The following SEC24A variants were observed in gnomAD, a reference collection of about 807,000 sequenced individuals.
The protein encoded by SEC24A is protein transport protein Sec24A.
SEC24A carries 93 observed loss-of-function variants against 129.4 expected under a neutral mutation model. The observed-to-expected ratio is 0.72, with a 90% CI of 0.61 to 0.85. The LOEUF is 0.85. SEC24A is among the 40% of genes least tolerant of loss of function. SEC24A has a pLI of 0.00. For missense variants in SEC24A, 1,264 were observed against 1,307.4 expected (o/e 0.97, Z 0.51); for synonymous variants, 460 against 467.3 (o/e 0.98, Z 0.20).
chr5:134,687,937 A>G (rs749053523), intron 10 of SEC24A, among the ~76,000 whole-genome samples: 6 of 152,158 alleles, frequency 3.9e-5, no homozygotes, highest in Non-Finnish European at 8.8e-5. Flanking sequence ...TTACATAGCT[A>G]TACTTGGTTT....
intron 1 of SEC24A, among the ~76,000 whole-genome samples, chr5:134,655,184 A>G (rs913851003): frequency 3.3e-5 from 5 of 152,136 alleles, no homozygotes; most frequent in Admixed American, 6.6e-5. Flanking sequence ...TTTGAATCCT[A>G]TGAAATAGGA....
intron 1 of SEC24A, among the ~76,000 whole-genome samples, chr5:134,649,745 T>G (rs1437933668): frequency 6.6e-6 from 1 of 152,234 alleles, no homozygotes; most frequent in Non-Finnish European, 1.5e-5. Flanking sequence ...GGTTGACTTC[T>G]AGATGTCTGG....
intron 3 of SEC24A, among the ~76,000 whole-genome samples, chr5:134,668,174 C>G (rs1420601613): frequency 6.6e-6 from 1 of 152,118 alleles, no homozygotes; most frequent in Non-Finnish European, 1.5e-5. Flanking sequence ...ATGTAGAAAA[C>G]AGATGAGGGG....
In SEC24A at chr5:134,715,047, T is replaced by C; in HGVS notation, c.2751T>C (p.Asn917=). The C allele has an allele frequency of 6.2e-7, 1 of 1,613,254 alleles. No homozygotes were observed. Among genetic ancestry groups the C allele is most frequent in the Non-Finnish European group, 8.5e-7 (1 of 1,179,764 alleles). ...LKQKSFQTGT[N]ARLDERIFAM... ...AGAAATCATTCCAGACTGGGACAAA[T>C]GCACGTCTAGATGAACGCATTTTTG... The change falls in exon 19 of 23, where the codon AAT becomes AAC. Residue 917 remains asparagine, a synonymous_variant. Coordinates refer to ENST00000398844, the MANE Select transcript of SEC24A (RefSeq NM_021982.3).
intron 18 of SEC24A, among the ~76,000 whole-genome samples, chr5:134,712,594 G>A (rs911060053): frequency 4.0e-5 from 6 of 150,888 alleles, no homozygotes; most frequent in Non-Finnish European, 7.4e-5. Context: ...TTCTATTTCT[G>A]AATATAAGTA....
intron 4 of SEC24A, among the ~76,000 whole-genome samples, chr5:134,673,166 C>T (rs2150081192): frequency 6.6e-6 from 1 of 151,534 alleles, no homozygotes; most frequent in Admixed American, 6.6e-5. Flanking sequence ...AGCGATTCTC[C>T]TGCCTCAGCT....
chr5:134,674,621 C>T lies in SEC24A; in HGVS notation c.824C>T (p.Pro275Leu), dbSNP rs1418724381. The T allele has an allele frequency of 6.2e-7, 1 of 1,612,368 alleles. No individual in the cohort carries two copies. Among genetic ancestry groups the T allele is most frequent in the Non-Finnish European group, 8.5e-7 (1 of 1,179,052 alleles). Residue 275 changes from proline (P) to leucine (L), a missense_variant, in exon 5 of 23, where the codon CCA becomes CTA. By Grantham distance (98) the Pro-to-Leu change is moderately conservative (BLOSUM62 -3). Transcript: ENST00000398844. ...AAAGTTACCTTGTTTCTAGCAACAC[C>T]ACAGCTTACTAACAAGAATCCCAAA... ...EIEGGGLLAT[P>L]QLTNKNPKMS...
At chr5:134,697,095 A>G (rs772653087) in intron 13 of SEC24A, 31 bp from the exon 14 acceptor site, 6 of 1,270,704 alleles carry the variant, frequency 4.7e-6, no homozygotes, top group Non-Finnish European at 6.6e-6. Context: ...ATGATTTTTT[A>G]AAATGTCTCT....
At chr5:134,684,146 T>C (rs1403343872) in intron 9 of SEC24A, among the ~76,000 whole-genome samples, 3 of 151,236 alleles carry the variant, frequency 2.0e-5, no homozygotes, top group African/African-American at 2.4e-5. Flanking sequence ...CTACTAAAAA[T>C]ACAAAAATTA....
intron 1 of SEC24A, among the ~76,000 whole-genome samples, chr5:134,658,738 G>A (rs1354878633): frequency 2.0e-5 from 3 of 152,074 alleles, no homozygotes; most frequent in Non-Finnish European, 4.4e-5. Context: ...AGAATGGGGT[G>A]GGGGAGAGGA....
At chr5:134,655,005 A>G (rs4958257) in intron 1 of SEC24A, among the ~76,000 whole-genome samples, 126,820 of 152,018 alleles carry the variant, frequency 0.83, 53,072 homozygotes, top group Admixed American at 0.89. Flanking sequence ...GTGAACCACT[A>G]CGCCTGGCCC....
At chr5:134,660,198 C>CCAA (rs1750402553) in intron 1 of SEC24A, among the ~76,000 whole-genome samples, 1 of 89,166 alleles carries the variant, frequency 1.1e-5, no homozygotes, top group Non-Finnish European at 2.4e-5. Context: ...TCTGTCTCTA[C>CCAA]AAAAAAAAAA....
At chr5:134,711,484 C>A (rs1752322935) in intron 18 of SEC24A, among the ~76,000 whole-genome samples, 1 of 151,464 alleles carries the variant, frequency 6.6e-6, no homozygotes, top group South Asian at 2.1e-4. Context: ...GAGTTTGAGA[C>A]CAGCCTGGAC....
intron 16 of SEC24A, among the ~76,000 whole-genome samples, chr5:134,705,090 A>ATATATTT (rs1180461537): frequency 1.2e-3 from 149 of 123,262 alleles, no homozygotes; most frequent in African/African-American, 3.2e-3. Flanking sequence ...ATATATATAT[A>ATATATTT]TTTTTTTTTT....
At chr5:134,672,729 A>G (rs1750910194) in intron 4 of SEC24A, among the ~76,000 whole-genome samples, 1 of 151,814 alleles carries the variant, frequency 6.6e-6, no homozygotes, top group Non-Finnish European at 1.5e-5. Flanking sequence ...TGTTTTGACT[A>G]TAGAGTACTT....
At position 134,702,344 on chromosome 5, in the gene SEC24A, G is replaced by A. The variant is rs574628923; in HGVS notation, c.2267-1415G>A. 4.6e-5 allele frequency among the ~76,000 whole-genome samples: 7 copies of A among 152,178 alleles called. No individual in the cohort carries two copies. The South Asian group carries it at 1.0e-3, about 23-fold the overall frequency. On this transcript the variant is annotated intron_variant, in intron 15 of 22. Coordinates refer to ENST00000398844, the MANE Select transcript of SEC24A (RefSeq NM_021982.3). ...TTTTCATCCTGATTACTGTTTTTAA[G>A]TTGGTTTTTATTTCACAAGCAACAT...
At chr5:134,661,638 AT>A (rs777224604) in intron 2 of SEC24A, 52 bp downstream of exon 2, 3 of 1,349,678 alleles carry the variant, frequency 2.2e-6, no homozygotes, top group African/African-American at 1.5e-5. Flanking sequence ...ACTTTTGCTT[AT>A]TTAGATGTTT....
At position 134,656,244 on chromosome 5, in the gene SEC24A, G is replaced by A. The variant is rs111558584; in HGVS notation, c.98-4875G>A. 5.2e-3 allele frequency among the ~76,000 whole-genome samples: 793 copies of A among 151,976 alleles called. 6 individuals carry two copies. The highest frequency in any genetic ancestry group is 0.017 in the African/African-American group (724 of 41,466). On this transcript the variant is annotated intron_variant, in intron 1 of 22. Coordinates refer to ENST00000398844, the MANE Select transcript of SEC24A (RefSeq NM_021982.3). ...ACCACCGGCATGTGCCACCACACCC[G>A]GCAAATTTTTTGTATTTTTAGAAGA... is the stretch of plus-strand genomic sequence containing the variant.
At chr5:134,699,337 C>T (rs923914391) in intron 15 of SEC24A, among the ~76,000 whole-genome samples, 1 of 143,750 alleles carries the variant, frequency 7.0e-6, no homozygotes, top group Non-Finnish European at 1.5e-5. Context: ...CTCGCTCTGT[C>T]GTCCAGGCTG....
Sources: gnomAD v4.1 joint callset for allele counts (sites outside exome capture counted in the v4.1 genomes callset) on GRCh38, gnomAD v4.1.1 for gene constraint, MANE v1.5 for transcripts, NCBI Gene and HGNC (gene_info 2026-07-23, HGNC 2026-07-21) for gene names.